Variants in ZFHX2 observed in about 807,000 individuals in gnomAD.
The protein encoded by ZFHX2 is zinc finger homeobox 2.
In ZFHX2, 75 loss-of-function variants were observed where a neutral mutation model predicts 164.8. The ratio of observed to expected loss-of-function variants is 0.46; its 90% CI spans 0.38 to 0.55. The LOEUF is 0.55. Ranked by LOEUF, ZFHX2 falls within the 20% of genes least tolerant of loss-of-function variation. The probability of loss-of-function intolerance (pLI) is 0.00; values close to 1 mark genes in which losing one functional copy is unlikely to be tolerated. For missense variants in ZFHX2, 2,933 were observed against 3,308.0 expected, an observed-to-expected ratio of 0.89 and a Z score of 2.78; for synonymous variants, 1,217 against 1,351.4, an observed-to-expected ratio of 0.90 and a Z score of 2.18.
rs1879830143 is a variant in ZFHX2 at position 23,533,542 on chromosome 14, T to A, written c.1784A>T (p.Gln595Leu). ...CCCCTGGTGCAGCATTAGGACATTC[T>A]GCATGTGCTTCTCAGAGGTCATATG... The part of the protein sequence containing the change: ...RIHMTSEKHM[Q>L]NVLMLHQGLP... Residue 595 changes from glutamine (Q) to leucine (L), a missense_variant, in exon 2 of 10, where the codon CAG (glutamine) becomes CTG (leucine). Physicochemically the swap from Gln to Leu is moderately radical, Grantham distance 113 (BLOSUM62 -2). Transcript: ENST00000419474. The surrounding 1 kb of genome is among the most constrained non-coding windows in gnomAD (Gnocchi z 4.8). The A allele has an allele frequency of 1.3e-6, 2 of 1,536,130 alleles. No homozygotes were observed. Among genetic ancestry groups the A allele is most frequent in the Non-Finnish European group, 1.7e-6 (2 of 1,146,938 alleles).
chr14:23,542,351 CG>C (rs1167887074), intron 1 of ZFHX2: 1 of 151,504 alleles, frequency 6.6e-6, no homozygotes, highest in Non-Finnish European at 1.5e-5. Context: ...AGAAGGGAAG[CG>C]GTAGGCTGAA....
chr14:23,538,166 G>A (rs1327261265), intron 1 of ZFHX2: 2 of 152,182 alleles, frequency 1.3e-5, no homozygotes, highest in Non-Finnish European at 2.9e-5. Flanking sequence ...CTTAGCTTTC[G>A]GCTAGCTTGT....
intron 1 of ZFHX2, chr14:23,542,829 G>A (rs1291607982): frequency 6.6e-6 from 1 of 151,968 alleles, no homozygotes; most frequent in African/African-American, 2.4e-5. Flanking sequence ...TCTGTCTCCT[G>A]GGTTCAAGCA....
rs1014242372 is a variant in ZFHX2, at chr14:23,521,689, A to G, written c.*273T>C. 1.3e-5 allele frequency: 6 copies of G among 451,042 alleles called. No individual in the cohort carries two copies. The highest frequency in any genetic ancestry group is 2.3e-5 in the Non-Finnish European group (6 of 257,220). 27.9% of individuals were successfully genotyped at this position (451,042 alleles called of 1,614,324 possible). A position where few individuals can be genotyped will look rare whatever the true frequency, so the allele number is the denominator to read the frequency against. ...ACATGTATGAATAATCAGGGTGCCA[A>G]GATGGGTGTATGTGTCTGTGAAGAT... On this transcript the variant is annotated 3_prime_UTR_variant, in exon 10 of 10. Coordinates refer to ENST00000419474, the MANE Select transcript of ZFHX2 (RefSeq NM_033400.3).
Position 23,525,512 on chromosome 14 carries a change from C to G in ZFHX2, c.4430G>C (p.Gly1477Ala). 1 of 1,535,752 alleles carries G rather than the reference C, an allele frequency of 6.5e-7. No individual in the cohort carries two copies. Among genetic ancestry groups the G allele is most frequent in the Non-Finnish European group, 8.7e-7 (1 of 1,146,906 alleles). ...TPPPPEALGG[G>A]DKLACGACGK... Reference sequence around the variant, plus strand: ...ACAGGCCCCACAGGCCAGCTTGTCCCCACCCCCGAGGGCCTCAGGTGGGGG... The same window carrying G: ...ACAGGCCCCACAGGCCAGCTTGTCCGCACCCCCGAGGGCCTCAGGTGGGGG... Residue 1477 changes from glycine to alanine, a missense_variant, in exon 9 of 10, where the codon GGG (glycine) becomes GCG (alanine). Transcript: ENST00000419474. This position sits in a 1 kb window ranked among gnomAD's most constrained non-coding sequence, Gnocchi z 5.9.
chr14:23,533,671 G>C lies in ZFHX2; in HGVS notation c.1655C>G (p.Ala552Gly), dbSNP rs563778616. ...GTCTCCCGCGGAGGGTGGGAGTGAT[G>C]CCTCTGGTGGACTTCCCTGCCCACC... is the stretch of plus-strand genomic sequence containing the variant. Reference protein sequence around the residue: ...GPGGQGSPPEASLPPSAGDKE... With the variant: ...GPGGQGSPPEGSLPPSAGDKE... The change falls in exon 2 of 10, where the codon GCA becomes GGA. Residue 552 changes from alanine (A) to glycine (G), a missense_variant. Physicochemically the swap from Ala to Gly is moderately conservative, Grantham distance 60. Coordinates refer to ENST00000419474, the MANE Select transcript of ZFHX2 (RefSeq NM_033400.3). The surrounding 1 kb of genome is among the most constrained non-coding windows in gnomAD (Gnocchi z 4.8). 1.3e-6 allele frequency: 2 copies of C among 1,537,892 alleles called. No homozygotes were observed. The highest frequency in any genetic ancestry group is 2.0e-5 in the Admixed American group (1 of 51,076).
rs1595168438 is a variant in ZFHX2, at chr14:23,535,904, T to C, written c.-49-530A>G. 6.6e-6 allele frequency among the ~76,000 whole-genome samples: 1 copy of C among 152,314 alleles called. No individual in the cohort carries two copies. The highest frequency in any genetic ancestry group is 2.1e-4 in the South Asian group (1 of 4,828). On this transcript the variant is annotated intron_variant, in intron 1 of 9. Transcript: ENST00000419474. The surrounding 1 kb of genome is among the most constrained non-coding windows in gnomAD (Gnocchi z 4.5). ...ACCGCGCCCAGCCTAGAACTCTTTA[T>C]TTGTCCCCTGAACCTGCTCCTCCCC...
Position 23,522,909 on chromosome 14 carries a change from C to A in ZFHX2, c.6772G>T (p.Ala2258Ser). ...GTGGTGGTAGGCAGGACCGAAGTGG[C>A]GAGGCCGAGGAGGCCTGAGGAGGCT... is the stretch of plus-strand genomic sequence containing the variant. ...PAASSGLLGL[A>S]TSVLPTTTVV... The change falls in exon 10 of 10, where the codon GCC becomes TCC. Residue 2258 changes from alanine to serine, a missense_variant. Transcript: ENST00000419474. 1 of 1,462,880 alleles carries A rather than the reference C, an allele frequency of 6.8e-7. No individual in the cohort carries two copies. The highest frequency in any genetic ancestry group is 9.0e-7 in the Non-Finnish European group (1 of 1,111,050). 90.6% of individuals were successfully genotyped at this position (1,462,880 alleles called of 1,614,324 possible).
At position 23,534,237 on chromosome 14, in the gene ZFHX2, C is replaced by A; in HGVS notation, c.1089G>T (p.Ser363=). 1.3e-6 allele frequency: 2 copies of A among 1,520,258 alleles called. No homozygotes were observed. The highest frequency in any genetic ancestry group is 2.4e-5 in the South Asian group (2 of 81,754). The allele number at this position is 1,520,258 out of a possible 1,614,324, so 94.2% of individuals were successfully genotyped here. The change falls in exon 2 of 10, where the codon TCG becomes TCT. Residue 363 remains serine, a synonymous_variant. Transcript: ENST00000419474. This position sits in a 1 kb window ranked among gnomAD's most constrained non-coding sequence, Gnocchi z 4.5. ...WDPSPTQAKE[S]PVAAGEAGPD... is the part of the protein sequence containing the mutation. ...GCCCTGCCTCGCCTGCTGCTACTGGCGATTCTTTGGCTTGGGTTGGGCTGG... is the reference window on the plus strand; with the variant it reads ...GCCCTGCCTCGCCTGCTGCTACTGGAGATTCTTTGGCTTGGGTTGGGCTGG...
intron 6 of ZFHX2, chr14:23,528,628 C>T (rs1879099512): frequency 6.1e-6 from 6 of 985,452 alleles, no homozygotes; most frequent in Non-Finnish European, 7.2e-6. Flanking sequence ...AGGGGCCCTA[C>T]CTGTCTGCTC....
At position 23,532,627 on chromosome 14, in the gene ZFHX2, C is replaced by T. The variant is rs1163217942; in HGVS notation, c.2499G>A (p.Lys833=). The T allele has an allele frequency of 5.5e-6, 8 of 1,463,324 alleles. No individual in the cohort carries two copies. Among genetic ancestry groups the T allele is most frequent in the Admixed American group, 4.8e-5 (2 of 41,774 alleles). The allele number at this position is 1,463,324 out of a possible 1,614,324, so 90.6% of individuals were successfully genotyped here. A position where few individuals can be genotyped will look rare whatever the true frequency, so the allele number is the denominator to read the frequency against. Residue 833 remains lysine (K), a synonymous_variant, in exon 3 of 10, where the codon AAG becomes AAA. Coordinates refer to ENST00000419474, the MANE Select transcript of ZFHX2 (RefSeq NM_033400.3). ...CNICDFESNS[K]EKMQLHARGA... is the part of the protein sequence containing the mutation. The stretch of plus-strand genomic sequence containing the variant: ...CCCTGGCATGCAGCTGCATCTTCTC[C>T]TTGCTGTTGGACTCAAAGTCACAGA...
At position 23,534,216 on chromosome 14, in the gene ZFHX2, T is replaced by G. The variant is rs1371738648; in HGVS notation, c.1110A>C (p.Ala370=). 6.7e-7 allele frequency: 1 copy of G among 1,503,482 alleles called. No individual in the cohort carries two copies. The highest frequency in any genetic ancestry group is 1.4e-5 in the African/African-American group (1 of 72,392). 93.1% of individuals were successfully genotyped at this position (1,503,482 alleles called of 1,614,324 possible). A position where few individuals can be genotyped will look rare whatever the true frequency, so the allele number is the denominator to read the frequency against. The change falls in exon 2 of 10, where the codon GCA becomes GCC. Residue 370 remains alanine (A), a synonymous_variant. Coordinates refer to ENST00000419474, the MANE Select transcript of ZFHX2 (RefSeq NM_033400.3). The surrounding 1 kb of genome is among the most constrained non-coding windows in gnomAD (Gnocchi z 4.5). Reference sequence around the variant, plus strand: ...GCCCCTCAGGGAACCAATCTGGCCCTGCCTCGCCTGCTGCTACTGGCGATT... The same window carrying G: ...GCCCCTCAGGGAACCAATCTGGCCCGGCCTCGCCTGCTGCTACTGGCGATT... ...AKESPVAAGE[A]GPDWFPEGQE...
Position 23,523,592 on chromosome 14 carries a change from C to T in ZFHX2, c.6350G>A (p.Arg2117His), listed in dbSNP as rs1005678976. Residue 2117 changes from arginine to histidine, a missense_variant, in exon 9 of 10, where the codon CGT (arginine) becomes CAT (histidine). Coordinates refer to ENST00000419474, the MANE Select transcript of ZFHX2 (RefSeq NM_033400.3). This position sits in a 1 kb window ranked among gnomAD's most constrained non-coding sequence, Gnocchi z 4.1. ...TAGTTTGGCCTTCTTTTCCTTGGCACGAGCATTCTGGAACCAGACCTGGAT... is the reference window on the plus strand; with the variant it reads ...TAGTTTGGCCTTCTTTTCCTTGGCATGAGCATTCTGGAACCAGACCTGGAT... ...RVIQVWFQNA[R>H]AKEKKAKLQG... The T allele has an allele frequency of 1.0e-5, 16 of 1,551,838 alleles. No individual in the cohort carries two copies. Among genetic ancestry groups the T allele is most frequent in the African/African-American group, 9.5e-5 (7 of 73,772 alleles).
At position 23,525,156 on chromosome 14, in the gene ZFHX2, G is replaced by A. The variant is rs996790522; in HGVS notation, c.4786C>T (p.Arg1596Trp). 30 of 1,536,036 alleles carry A rather than the reference G, an allele frequency of 2.0e-5. No homozygotes were observed. Among genetic ancestry groups the A allele is most frequent in the Non-Finnish European group, 2.6e-5 (30 of 1,146,918 alleles). ...NLPPLVPAGR[R>W]FSRTKFTEFQ... The stretch of plus-strand genomic sequence containing the variant: ...TCTGTGAACTTGGTTCTGGAGAACC[G>A]GCGGCCGGCAGGCACCAGGGGAGGA... The change falls in exon 9 of 10, where the codon CGG becomes TGG. Residue 1596 changes from arginine to tryptophan, a missense_variant. Transcript: ENST00000419474. This position sits in a 1 kb window ranked among gnomAD's most constrained non-coding sequence, Gnocchi z 5.9.
At position 23,523,839 on chromosome 14, in the gene ZFHX2, C is replaced by T. The variant is rs1247634356; in HGVS notation, c.6103G>A (p.Ala2035Thr). The part of the protein sequence containing the change: ...LSAGDLSDSS[A>T]SSLAEPESPG... Reference sequence around the variant, plus strand: ...GATTCTGGTTCAGCTAGGCTGGAAGCAGATGAATCACTCAGATCTCCTGCA... The same window carrying T: ...GATTCTGGTTCAGCTAGGCTGGAAGTAGATGAATCACTCAGATCTCCTGCA... The change falls in exon 9 of 10, where the codon GCT becomes ACT. Residue 2035 changes from alanine (A) to threonine (T), a missense_variant. Ala to Thr is a moderately conservative substitution (Grantham distance 58, BLOSUM62 0). Coordinates refer to ENST00000419474, the MANE Select transcript of ZFHX2 (RefSeq NM_033400.3). This position sits in a 1 kb window ranked among gnomAD's most constrained non-coding sequence, Gnocchi z 4.1. 16 of 1,536,078 alleles carry T rather than the reference C, an allele frequency of 1.0e-5. No individual in the cohort carries two copies. Among genetic ancestry groups the T allele is most frequent in the Non-Finnish European group, 1.4e-5 (16 of 1,146,930 alleles).
chr14:23,541,287 A>ATT (rs34645391), intron 1 of ZFHX2, among the ~76,000 whole-genome samples: 18 of 130,062 alleles, frequency 1.4e-4, no homozygotes, highest in African/African-American at 2.3e-4. Flanking sequence ...GATGGACAGG[A>ATT]TTTTTTTTTT....
In ZFHX2 at chr14:23,522,725, G is replaced by A. The variant is rs1239494989; in HGVS notation, c.6956C>T (p.Pro2319Leu). The A allele has an allele frequency of 6.5e-7, 1 of 1,536,606 alleles. No individual in the cohort carries two copies. Among genetic ancestry groups the A allele is most frequent in the Non-Finnish European group, 8.7e-7 (1 of 1,146,954 alleles). The change falls in exon 10 of 10, where the codon CCC (proline) becomes CTC (leucine). Residue 2319 changes from proline (P) to leucine (L), a missense_variant. By Grantham distance (98) the Pro-to-Leu change is moderately conservative. Coordinates refer to ENST00000419474, the MANE Select transcript of ZFHX2 (RefSeq NM_033400.3). ...VSSERKPVAG[P>L]TSSSNDALKN... ...GAGGGCATCATTGGAGGAGCTGGTGGGGCCTGCAACTGGCTTTCGCTCACT... is the reference window on the plus strand; with the variant it reads ...GAGGGCATCATTGGAGGAGCTGGTGAGGCCTGCAACTGGCTTTCGCTCACT...
intron 6 of ZFHX2, among the ~76,000 whole-genome samples, chr14:23,529,051 C>T (rs1478336121): frequency 1.3e-5 from 2 of 152,276 alleles, no homozygotes; most frequent in Non-Finnish European, 2.9e-5. Flanking sequence ...TGCAGTAATG[C>T]AGTAACACTG....
In ZFHX2 at chr14:23,533,865, A is replaced by G; in HGVS notation, c.1461T>C (p.Ser487=). The G allele has an allele frequency of 6.5e-7, 1 of 1,538,358 alleles. No individual in the cohort carries two copies. Among genetic ancestry groups the G allele is most frequent in the Admixed American group, 2.0e-5 (1 of 51,074 alleles). ...CAAGGCGGGGGTGGGCGCCCCCAGC[A>G]CTGCAGTAGCTGCAGTGACTGTTGC... ...PESNSHCSYC[S]AGGAHPRLAR... is the part of the protein sequence containing the mutation. The change falls in exon 2 of 10, where the codon AGT becomes AGC. Residue 487 remains serine (S), a synonymous_variant. Transcript: ENST00000419474. The surrounding 1 kb of genome is among the most constrained non-coding windows in gnomAD (Gnocchi z 4.8).
Sources: gnomAD v4.1 joint callset for allele counts (sites outside exome capture counted in the v4.1 genomes callset) on GRCh38, gnomAD v4.1.1 for gene constraint, Gnocchi (gnomAD v3.1) non-coding constraint, MANE v1.5 for transcripts, NCBI Gene and HGNC (gene_info 2026-07-23, HGNC 2026-07-21) for gene names.